Variants in PDE11A observed in about 807,000 individuals in gnomAD.
PDE11A encodes dual 3',5'-cyclic-AMP and -GMP phosphodiesterase 11A.
PDE11A carries 100 observed loss-of-function variants against 100.5 expected under a neutral mutation model. The ratio of observed to expected loss-of-function variants is 1.00; its 90% CI spans 0.85 to 1.18. The LOEUF (loss-of-function observed/expected upper bound fraction) is 1.18. Ranked by LOEUF, PDE11A falls within the 50% of genes most tolerant of loss-of-function variation. The pLI is 0.00. For synonymous variants in PDE11A, 381 were observed against 420.8 expected, an observed-to-expected ratio of 0.91 and a Z score of 1.16; for missense variants, 1,141 against 1,152.6, an observed-to-expected ratio of 0.99 and a Z score of 0.15.
chr2:178,067,631 T>C (rs1323161034), intron 1 of PDE11A, among the ~76,000 whole-genome samples: 2 of 152,206 alleles, frequency 1.3e-5, no homozygotes, highest in Non-Finnish European at 1.5e-5. Context: ...TCTTTCATTA[T>C]GAGCCCAGTC....
At chr2:177,830,647 A>AATAATC (rs1553479815) in intron 6 of PDE11A, among the ~76,000 whole-genome samples, 11 of 128,854 alleles carry the variant, frequency 8.5e-5, no homozygotes, top group African/African-American at 3.1e-4. Flanking sequence ...TAATAATAAT[A>AATAATC]ATCAGGTGTT....
chr2:177,888,387 C>A (rs1257210120), intron 4 of PDE11A, among the ~76,000 whole-genome samples: 2 of 151,880 alleles, frequency 1.3e-5, no homozygotes, highest in African/African-American at 4.8e-5. Context: ...AAAGTGGAGG[C>A]AAAACAGTTC....
chr2:177,954,530 C>G (rs1376750986), intron 2 of PDE11A, among the ~76,000 whole-genome samples: 1 of 152,080 alleles, frequency 6.6e-6, no homozygotes, highest in African/African-American at 2.4e-5. Context: ...GTACATCAGC[C>G]TCCATTTGAC....
chr2:178,037,551 A>G (rs771838291), intron 1 of PDE11A, among the ~76,000 whole-genome samples: 2 of 152,166 alleles, frequency 1.3e-5, no homozygotes, highest in Non-Finnish European at 2.9e-5. Flanking sequence ...AAATCATTCT[A>G]ATATAAAGAC....
At chr2:177,806,581 T>C (rs1249202328) in intron 9 of PDE11A, among the ~76,000 whole-genome samples, 2 of 152,200 alleles carry the variant, frequency 1.3e-5, no homozygotes, top group African/African-American at 4.8e-5. Flanking sequence ...TTATTTACTT[T>C]TGTCCTTCTA....
chr2:177,735,231 C>T (rs2081759887), intron 10 of PDE11A, among the ~76,000 whole-genome samples: 1 of 152,122 alleles, frequency 6.6e-6, no homozygotes, highest in Non-Finnish European at 1.5e-5. Flanking sequence ...TGTCATTAAA[C>T]CTCAGCTTTA....
rs572492390 is a variant in PDE11A at position 177,782,407 on chromosome 2, G to A, written c.1738-13034C>T. ...AACAAAACATTATCAACATTCAACTGGGACTTGCCACCCTATGCCATCCAA... is the reference window on the plus strand; with the variant it reads ...AACAAAACATTATCAACATTCAACTAGGACTTGCCACCCTATGCCATCCAA... On this transcript the variant is annotated intron_variant, in intron 9 of 19. Coordinates refer to ENST00000286063, the MANE Select transcript of PDE11A (RefSeq NM_016953.4). 2.0e-5 allele frequency among the ~76,000 whole-genome samples: 3 copies of A among 152,266 alleles called. No homozygotes were observed. The South Asian group carries it at 6.2e-4, about 32-fold the overall frequency.
At chr2:177,862,124 A>C (rs550754157) in intron 5 of PDE11A, among the ~76,000 whole-genome samples, 16 of 152,006 alleles carry the variant, frequency 1.1e-4, no homozygotes, top group African/African-American at 3.9e-4. Flanking sequence ...TGAGAAGACA[A>C]CTCAGAATGA....
intron 18 of PDE11A, among the ~76,000 whole-genome samples, chr2:177,667,633 T>A (rs1473426579): frequency 2.6e-5 from 4 of 152,218 alleles, no homozygotes; most frequent in Admixed American, 6.5e-5. Context: ...GTCCTGTGCT[T>A]CACAGCATTT....
At chr2:178,040,982 CATG>C (rs1236821333) in intron 1 of PDE11A, among the ~76,000 whole-genome samples, 1 of 152,056 alleles carries the variant, frequency 6.6e-6, no homozygotes, top group African/African-American at 2.4e-5. Context: ...CTCTGTTGCC[CATG>C]CTAGAGTGCA....
intron 4 of PDE11A, 89 bp from the exon 5 acceptor site, chr2:177,876,012 A>G: frequency 2.5e-6 from 2 of 809,374 alleles, no homozygotes; most frequent in South Asian, 1.4e-5. Flanking sequence ...CTTTATAATG[A>G]TTATAATACT....
chr2:177,658,102 C>A (rs1429415310), intron 19 of PDE11A, among the ~76,000 whole-genome samples: 1 of 152,206 alleles, frequency 6.6e-6, no homozygotes, highest in Non-Finnish European at 1.5e-5. Flanking sequence ...CACAGCATCA[C>A]AGCCAGAGTT....
chr2:177,680,720 T>C, intron 16 of PDE11A, 106 bp downstream of exon 16: 1 of 648,050 alleles, frequency 1.5e-6, no homozygotes, highest in South Asian at 1.9e-5. Flanking sequence ...TAAGCTAAGA[T>C]TTGTTACTTT....
intron 2 of PDE11A, among the ~76,000 whole-genome samples, chr2:178,094,905 A>C (rs549589025): frequency 3.3e-5 from 5 of 152,310 alleles, no homozygotes; most frequent in African/African-American, 9.6e-5. Flanking sequence ...AGAACTCACT[A>C]TCATGAGAAC....
intron 2 of PDE11A, among the ~76,000 whole-genome samples, chr2:177,934,303 C>A (rs2085246510): frequency 1.3e-5 from 2 of 152,104 alleles, no homozygotes; most frequent in Admixed American, 6.6e-5. Flanking sequence ...AAACAAATAA[C>A]CCCATTTAAA....
At chr2:177,635,848 A>T (rs984350077) in intron 19 of PDE11A, among the ~76,000 whole-genome samples, 3 of 151,742 alleles carry the variant, frequency 2.0e-5, no homozygotes, top group African/African-American at 7.3e-5. Flanking sequence ...TATCACTACA[A>T]AATTAGATTT....
At chr2:177,925,972 TTCTGTCACA>T (rs2085119464) in intron 2 of PDE11A, among the ~76,000 whole-genome samples, 1 of 152,330 alleles carries the variant, frequency 6.6e-6, no homozygotes, top group East Asian at 1.9e-4. Flanking sequence ...CCAGCCTGGG[TTCTGTCACA>T]GTCACCCAAA....
At chr2:177,660,093 TTCTTTC>T (rs1257612792) in intron 19 of PDE11A, among the ~76,000 whole-genome samples, 37 of 35,898 alleles carry the variant, frequency 1.0e-3, no homozygotes, top group African/African-American at 1.0e-3. Context: ...CTTTCTTTCT[TTCTTTC>T]TCTCTCTCTC....
intron 5 of PDE11A, among the ~76,000 whole-genome samples, chr2:177,862,259 G>A (rs1247914607): frequency 5.3e-5 from 8 of 151,760 alleles, no homozygotes; most frequent in Non-Finnish European, 7.4e-5. Flanking sequence ...CTGAATAGAC[G>A]TTTCCTAAAT....
Sources: allele counts gnomAD v4.1 joint callset (sites outside exome capture counted in the v4.1 genomes callset), GRCh38; gene constraint gnomAD v4.1.1; transcripts MANE v1.5; gene names NCBI Gene and HGNC (gene_info 2026-07-23, HGNC 2026-07-21).